PLEKHA1: variants seen among roughly 807,000 people sequenced by gnomAD.
PLEKHA1 encodes the protein pleckstrin homology domain-containing family A member 1.
PLEKHA1 carries 34 observed loss-of-function variants against 52.0 expected under a neutral mutation model. The ratio of observed to expected loss-of-function variants is 0.65; its 90% CI spans 0.50 to 0.87. PLEKHA1 has a LOEUF of 0.87. Among genes scored for constraint, PLEKHA1 ranks in the 40% least tolerant of loss-of-function variants. The pLI is 0.00. For synonymous variants in PLEKHA1, 163 were observed against 170.7 expected (o/e 0.95, Z 0.35); for missense variants, 497 against 504.2 (o/e 0.99, Z 0.14).
chr10:122,386,726 T>G (rs1399307157), intron 1 of PLEKHA1: 1 of 152,216 alleles, frequency 6.6e-6, no homozygotes, highest in Non-Finnish European at 1.5e-5. Flanking sequence ...CTTGGCACCT[T>G]GGTTGAAAAT....
intron 1 of PLEKHA1, among the ~76,000 whole-genome samples, chr10:122,389,522 A>C (rs1162513974): frequency 6.6e-6 from 1 of 152,192 alleles, no homozygotes; most frequent in Non-Finnish European, 1.5e-5. Context: ...CAATGTGGTG[A>C]AACCCTGTTT....
Position 122,413,017 on chromosome 10 carries a change from G to A in PLEKHA1, c.440G>A (p.Gly147Asp). The change falls in exon 6 of 12, where the codon GGT (glycine) becomes GAT (aspartate). Residue 147 changes from glycine (G) to aspartate (D), a missense_variant. Coordinates refer to ENST00000368990, the MANE Select transcript of PLEKHA1 (RefSeq NM_001001974.4). The stretch of plus-strand genomic sequence containing the variant: ...GTGTCTTACAGAACTGATATTGTTG[G>A]TGGCGTACCCATCATTACTCCCACT... The part of the protein sequence containing the change: ...KQVSYRTDIV[G>D]GVPIITPTQK... 1 of 1,613,048 alleles carries A rather than the reference G, an allele frequency of 6.2e-7. No homozygotes were observed. Among genetic ancestry groups the A allele is most frequent in the Non-Finnish European group, 8.5e-7 (1 of 1,179,348 alleles).
chr10:122,412,648 C>T, intron 5 of PLEKHA1: 1 of 365,878 alleles, frequency 2.7e-6, no homozygotes, highest in Non-Finnish European at 5.0e-6. Context: ...GGTAGAGCCC[C>T]TATGCATAGG....
rs982141814 is a variant in PLEKHA1 at position 122,403,710 on chromosome 10, T to G, written c.245-2866T>G. On this transcript the variant is annotated intron_variant, in intron 4 of 11. Coordinates refer to ENST00000368990, the MANE Select transcript of PLEKHA1 (RefSeq NM_001001974.4). ...TAACTTGCTTTCCCCTTTTTTTTTC[T>G]TTTGAGATGGAGCCTCACTCCCCCA... is the stretch of plus-strand genomic sequence containing the variant. 7.9e-5 allele frequency among the ~76,000 whole-genome samples: 12 copies of G among 152,210 alleles called. No individual in the cohort carries two copies. In the East Asian group the frequency reaches 1.4e-3, roughly 17 times the overall value.
At chr10:122,376,455 A>G (rs1282404504) in intron 1 of PLEKHA1, among the ~76,000 whole-genome samples, 1 of 150,448 alleles carries the variant, frequency 6.6e-6, no homozygotes, top group African/African-American at 2.4e-5. Context: ...CTTGTAGCGT[A>G]TACCTGTATC....
Position 122,424,179 on chromosome 10 carries a change from T to TTC in PLEKHA1, c.682-19_682-18insCT. ...ATAAACATCATGTAACTGTTTTTTT[T>TTC]TTTTTTTTTTTTTTGCCAGGAAAAG... On this transcript the variant is annotated intron_variant, in intron 8 of 11. Coordinates refer to ENST00000368990, the MANE Select transcript of PLEKHA1 (RefSeq NM_001001974.4). 6.9e-7 allele frequency: 1 copy of TTC among 1,444,542 alleles called. No individual in the cohort carries two copies. 89.5% of individuals were successfully genotyped at this position (1,444,542 alleles called of 1,614,324 possible).
the PLEKHA1 span, chr10:122,439,320 CT>C: frequency 1.3e-5 from 2 of 148,842 alleles, no homozygotes; most frequent in Non-Finnish European, 3.0e-5. Flanking sequence ...CTGCATTTTT[CT>C]TTTGTGTAGC....
intron 3 of PLEKHA1, among the ~76,000 whole-genome samples, chr10:122,399,091 G>A (rs1387915301): frequency 1.3e-5 from 2 of 151,898 alleles, no homozygotes; most frequent in Non-Finnish European, 2.9e-5. Flanking sequence ...CTTTCATCTT[G>A]TCCTCCTGCT....
At chr10:122,418,266 C>A in intron 8 of PLEKHA1, 2 of 242,434 alleles carry the variant, frequency 8.2e-6, no homozygotes, top group East Asian at 8.3e-5. Context: ...GTTAGCCCCA[C>A]GTGGAGTAGG....
chr10:122,381,262 A>G (rs1316769159), intron 1 of PLEKHA1, among the ~76,000 whole-genome samples: 1 of 152,142 alleles, frequency 6.6e-6, no homozygotes. Context: ...GGTGAGAAGT[A>G]GGATTCTGGT....
chr10:122,435,596 G>A (rs2097434937), downstream of PLEKHA1: 1 of 152,144 alleles, frequency 6.6e-6, no homozygotes, highest in African/African-American at 2.4e-5. Context: ...AGAGATGATT[G>A]TAGGTTCACA....
Position 122,417,948 on chromosome 10 carries a change from G to C in PLEKHA1, c.661G>C (p.Gly221Arg). The part of the protein sequence containing the change: ...RYFQLDENTI[G>R]YFKSELEKEP... ...TTTTCAATTGGATGAAAACACAATA[G>C]GCTACTTCAAATCTGAACTGGTATG... is the stretch of plus-strand genomic sequence containing the variant. The change falls in exon 8 of 12, where the codon GGC becomes CGC. Residue 221 changes from glycine to arginine, a missense_variant. Transcript: ENST00000368990. 6.2e-7 allele frequency: 1 copy of C among 1,611,544 alleles called. No individual in the cohort carries two copies. The highest frequency in any genetic ancestry group is 1.1e-5 in the South Asian group (1 of 91,022).
At chr10:122,422,924 T>C (rs747960812) in intron 8 of PLEKHA1, 2 of 152,196 alleles carry the variant, frequency 1.3e-5, no homozygotes, top group Non-Finnish European at 2.9e-5. Flanking sequence ...TATATACATA[T>C]ACTCTGTCAC....
intron 10 of PLEKHA1, among the ~76,000 whole-genome samples, chr10:122,426,186 A>T (rs1026365026): frequency 2.0e-5 from 3 of 152,106 alleles, no homozygotes; most frequent in Admixed American, 2.0e-4. Flanking sequence ...TTCTAGATCG[A>T]GATTAACTAT....
At chr10:122,378,376 C>T (rs1435484216) in intron 1 of PLEKHA1, among the ~76,000 whole-genome samples, 1 of 145,436 alleles carries the variant, frequency 6.9e-6, no homozygotes, top group African/African-American at 2.5e-5. Context: ...CTCTTTCCCA[C>T]CCCCCTGTCC....
rs187333162 is a variant in PLEKHA1, at chr10:122,396,923, A to G, written c.142-995A>G. On this transcript the variant is annotated intron_variant, in intron 2 of 11. Transcript: ENST00000368990. ...GTTTATTATAAGATATATTATAAAAAGAGCATAATTTTGATTCCAGATCTG... is the reference window on the plus strand; with the variant it reads ...GTTTATTATAAGATATATTATAAAAGGAGCATAATTTTGATTCCAGATCTG... 5.2e-3 allele frequency among the ~76,000 whole-genome samples: 786 copies of G among 152,220 alleles called. 9 individuals carry two copies. The highest frequency in any genetic ancestry group is 0.018 in the African/African-American group (748 of 41,538).
intron 8 of PLEKHA1, chr10:122,419,822 CCT>C (rs1367237852): frequency 6.6e-6 from 1 of 152,050 alleles, no homozygotes; most frequent in African/African-American, 2.4e-5. Flanking sequence ...CTTTGTTCTT[CCT>C]CTCAAATTTC....
intron 1 of PLEKHA1, among the ~76,000 whole-genome samples, chr10:122,388,435 G>T (rs1205226889): frequency 2.0e-5 from 3 of 152,078 alleles, no homozygotes; most frequent in Non-Finnish European, 4.4e-5. Context: ...TTTGTGAGTA[G>T]TGCTGCTATG....
chr10:122,393,046 G>A lies in PLEKHA1; in HGVS notation c.-20-135G>A. The A allele has an allele frequency of 1.7e-6, 1 of 579,178 alleles. No individual in the cohort carries two copies. The allele number at this position is 579,178 out of a possible 1,614,324, so 35.9% of individuals were successfully genotyped here. A position where few individuals can be genotyped will look rare whatever the true frequency, so the allele number is the denominator to read the frequency against. ...AAAAGTGATTTTTGTCAATGCCTCA[G>A]ATGTTGGTGTGTGTTCATTTTAATT... On this transcript the variant is annotated intron_variant, in intron 1 of 11. Coordinates refer to ENST00000368990, the MANE Select transcript of PLEKHA1 (RefSeq NM_001001974.4). This position sits in a 1 kb window ranked among gnomAD's most constrained non-coding sequence, Gnocchi z 4.5.
Sources: allele counts gnomAD v4.1 joint callset (sites outside exome capture counted in the v4.1 genomes callset), GRCh38; gene constraint gnomAD v4.1.1; non-coding constraint Gnocchi (gnomAD v3.1); transcripts MANE v1.5; gene names NCBI Gene and HGNC (gene_info 2026-07-23, HGNC 2026-07-21).